ZNF407: variants seen among roughly 807,000 people sequenced by gnomAD.
The protein encoded by ZNF407 is zinc finger protein 407.
Under a neutral mutation model 131.2 loss-of-function variants are expected in ZNF407, and 17 were observed. That is an observed-to-expected ratio of 0.13 (90% CI 0.09 to 0.19). The LOEUF (loss-of-function observed/expected upper bound fraction) is 0.19, where lower values mean the gene tolerates loss of function less well. Ranked by LOEUF, ZNF407 falls within the 10% of genes least tolerant of loss-of-function variation. The pLI, the probability that ZNF407 is intolerant of heterozygous loss-of-function variation, is 1.00. For synonymous variants in ZNF407, 1,156 were observed against 1,062.0 expected, an observed-to-expected ratio of 1.09 and a Z score of -1.72; for missense variants, 2,681 against 2,830.6, an observed-to-expected ratio of 0.95 and a Z score of 1.20.
chr18:74,859,193 T>C (rs548826917), intron 4 of ZNF407, among the ~76,000 whole-genome samples: 4 of 152,358 alleles, frequency 2.6e-5, no homozygotes, highest in East Asian at 3.9e-4. Flanking sequence ...TTGAAAGTTA[T>C]AGCTGAAATT....
rs920807199 is a variant in ZNF407 at position 74,893,410 on chromosome 18, G to A, written c.5249+3372G>A. On this transcript the variant is annotated intron_variant, in intron 7 of 8. Coordinates refer to ENST00000299687, the MANE Select transcript of ZNF407 (RefSeq NM_017757.3). ...TCCTGGGACAGCTTCACCATTCTGTGTACCTATGAATAGGCTTTCTTTTAC... is the reference window on the plus strand; with the variant it reads ...TCCTGGGACAGCTTCACCATTCTGTATACCTATGAATAGGCTTTCTTTTAC... Among the ~76,000 whole-genome samples the A allele has an allele frequency of 4.5e-4, 69 of 152,276 alleles. 1 individual carries two copies. The highest frequency in any genetic ancestry group is 1.5e-3 in the African/African-American group (64 of 41,564).
Position 74,800,539 on chromosome 18 carries a change from A to G in ZNF407, c.4877+19037A>G, listed in dbSNP as rs186034759. Among the ~76,000 whole-genome samples, 220 of 152,224 alleles carry G rather than the reference A, an allele frequency of 1.4e-3. 1 individual carries two copies. Among genetic ancestry groups the G allele is most frequent in the African/African-American group, 5.0e-3 (208 of 41,570 alleles). ...AACGTTTAACCTCTTGCCTCTTAAA[A>G]TTCATATTCTCCTTGCCATCTATGG... On this transcript the variant is annotated intron_variant, in intron 4 of 8. Coordinates refer to ENST00000299687, the MANE Select transcript of ZNF407 (RefSeq NM_017757.3).
chr18:74,643,080 G>A (rs908131619), intron 3 of ZNF407, among the ~76,000 whole-genome samples: 5 of 152,058 alleles, frequency 3.3e-5, no homozygotes, highest in African/African-American at 1.2e-4. Context: ...ATCATAGGTT[G>A]TTCCCTATTT....
chr18:75,019,392 C>T (rs918842842), intron 8 of ZNF407, among the ~76,000 whole-genome samples: 22 of 152,162 alleles, frequency 1.4e-4, no homozygotes, highest in African/African-American at 5.3e-4. Context: ...CAGTGGTCCT[C>T]CTCCCCATAT....
chr18:74,865,806 C>T (rs1017362028), intron 4 of ZNF407, among the ~76,000 whole-genome samples: 4 of 152,140 alleles, frequency 2.6e-5, no homozygotes, highest in African/African-American at 2.4e-5. Flanking sequence ...AGTGAAAGTA[C>T]GCTAAATTAA....
chr18:74,897,342 T>C (rs1432364607), intron 7 of ZNF407, among the ~76,000 whole-genome samples: 1 of 152,266 alleles, frequency 6.6e-6, no homozygotes, highest in Non-Finnish European at 1.5e-5. Flanking sequence ...GCTTTGTTTG[T>C]TGATGTAGCT....
At chr18:74,849,519 G>A (rs1016189853) in intron 4 of ZNF407, among the ~76,000 whole-genome samples, 2 of 152,116 alleles carry the variant, frequency 1.3e-5, no homozygotes, top group Admixed American at 1.3e-4. Context: ...GAAAGTGTGT[G>A]GTCAGGGGTG....
At chr18:75,009,836 C>T (rs1450505717) in intron 8 of ZNF407, among the ~76,000 whole-genome samples, 1 of 152,092 alleles carries the variant, frequency 6.6e-6, no homozygotes, top group African/African-American at 2.4e-5. Flanking sequence ...ACTACACTGC[C>T]AAGAAAATAG....
intron 4 of ZNF407, among the ~76,000 whole-genome samples, chr18:74,838,831 G>C (rs1429517731): frequency 6.6e-6 from 1 of 152,052 alleles, no homozygotes; most frequent in African/African-American, 2.4e-5. Flanking sequence ...TTAAAATGGA[G>C]ATCTTTTAGA....
chr18:74,675,030 T>G (rs1012404593), intron 3 of ZNF407, among the ~76,000 whole-genome samples: 23 of 152,240 alleles, frequency 1.5e-4, no homozygotes, highest in African/African-American at 5.5e-4. Context: ...AAACTTAATA[T>G]GGTCCAAATA....
At chr18:75,004,175 C>T (rs958326022) in intron 8 of ZNF407, among the ~76,000 whole-genome samples, 3 of 152,138 alleles carry the variant, frequency 2.0e-5, no homozygotes, top group Admixed American at 6.5e-5. Context: ...ATGGCCTCTC[C>T]GCGGTGCACG....
chr18:74,787,813 C>T (rs567242976), intron 4 of ZNF407, among the ~76,000 whole-genome samples: 11 of 152,290 alleles, frequency 7.2e-5, no homozygotes, highest in African/African-American at 2.6e-4. Flanking sequence ...GCTCATTTAG[C>T]ACACAGCTAT....
chr18:75,035,642 C>T (rs2122231124), intron 8 of ZNF407, among the ~76,000 whole-genome samples: 2 of 152,368 alleles, frequency 1.3e-5, no homozygotes, highest in East Asian at 1.9e-4. Context: ...CTGCCATGCA[C>T]AGGAAGGAGC....
At chr18:74,962,188 T>C (rs560097702) in intron 8 of ZNF407, among the ~76,000 whole-genome samples, 75 of 152,344 alleles carry the variant, frequency 4.9e-4, no homozygotes, top group African/African-American at 1.8e-3. Context: ...GACATTTTCA[T>C]GTCATTGAAA....
At chr18:74,857,461 G>A (rs1013094108) in intron 4 of ZNF407, among the ~76,000 whole-genome samples, 1 of 152,096 alleles carries the variant, frequency 6.6e-6, no homozygotes, top group Non-Finnish European at 1.5e-5. Flanking sequence ...TTGAGCACCT[G>A]TTAGGTGCTA....
At chr18:74,806,872 C>A (rs1444865464) in intron 4 of ZNF407, among the ~76,000 whole-genome samples, 1 of 152,196 alleles carries the variant, frequency 6.6e-6, no homozygotes, top group Non-Finnish European at 1.5e-5. Context: ...TATGAGTCAC[C>A]TTTACCTCAC....
intron 4 of ZNF407, among the ~76,000 whole-genome samples, chr18:74,816,499 C>T (rs1451619367): frequency 6.6e-6 from 1 of 152,092 alleles, no homozygotes; most frequent in Non-Finnish European, 1.5e-5. Flanking sequence ...ATTTAAAAAC[C>T]TTTCTGAATG....
At chr18:74,914,071 C>T (rs1398001126) in intron 7 of ZNF407, among the ~76,000 whole-genome samples, 2 of 152,174 alleles carry the variant, frequency 1.3e-5, no homozygotes, top group African/African-American at 2.4e-5. Flanking sequence ...ATTTGAAGTG[C>T]ACTCTTAGAA....
chr18:74,701,411 C>G (rs1967490991), intron 3 of ZNF407, among the ~76,000 whole-genome samples: 2 of 152,122 alleles, frequency 1.3e-5, no homozygotes, highest in South Asian at 4.1e-4. Flanking sequence ...TTTTATTTTC[C>G]TTTATGTAAT....
Sources: allele counts gnomAD v4.1 joint callset (sites outside exome capture counted in the v4.1 genomes callset), GRCh38; gene constraint gnomAD v4.1.1; transcripts MANE v1.5; gene names NCBI Gene and HGNC (gene_info 2026-07-23, HGNC 2026-07-21).